The following DPP6 variants were observed in gnomAD, a reference collection of about 807,000 sequenced individuals.
DPP6 encodes dipeptidyl peptidase like 6.
A neutral mutation model predicts 122.6 loss-of-function variants in DPP6; 69 were observed. The observed-to-expected ratio is 0.56, with a 90% CI of 0.46 to 0.69. The LOEUF is 0.69. Among genes scored for constraint, DPP6 ranks in the 30% least tolerant of loss-of-function variants. DPP6 has a pLI of 0.00. For synonymous variants in DPP6, 418 were observed against 433.1 expected, an observed-to-expected ratio of 0.97 and a Z score of 0.43; for missense variants, 928 against 1,116.9, an observed-to-expected ratio of 0.83 and a Z score of 2.41.
chr7:154,686,107 AT>A (rs5888588), intron 7 of DPP6, among the ~76,000 whole-genome samples: 149,759 of 152,242 alleles, frequency 0.98, 73,718 homozygotes, highest in East Asian at 1. Context: ...CACTCAGTGT[AT>A]TACTGTCTCT....
chr7:154,010,541 T>C (rs1798112297), intron 1 of DPP6, among the ~76,000 whole-genome samples: 1 of 152,278 alleles, frequency 6.6e-6, no homozygotes, highest in Non-Finnish European at 1.5e-5. Flanking sequence ...CATGTCAATA[T>C]TTTGTTTTAA....
At chr7:154,195,053 A>G (rs976834417) in intron 1 of DPP6, among the ~76,000 whole-genome samples, 30 of 152,184 alleles carry the variant, frequency 2.0e-4, no homozygotes, top group African/African-American at 6.5e-4. Flanking sequence ...TGCCTAGGAA[A>G]TCTCTGCCTA....
intron 1 of DPP6, among the ~76,000 whole-genome samples, chr7:154,429,014 A>T (rs2151248401): frequency 6.6e-6 from 1 of 152,272 alleles, no homozygotes; most frequent in East Asian, 1.9e-4. Context: ...AATAAAACAT[A>T]AAACAAAATA....
chr7:154,836,919 C>T (rs578038650), intron 16 of DPP6, among the ~76,000 whole-genome samples: 13 of 152,276 alleles, frequency 8.5e-5, no homozygotes, highest in African/African-American at 3.1e-4. Flanking sequence ...GTTGGCCAGG[C>T]TGGTCTCGAA....
At chr7:154,254,334 A>G (rs1802530219) in intron 1 of DPP6, among the ~76,000 whole-genome samples, 1 of 152,200 alleles carries the variant, frequency 6.6e-6, no homozygotes, top group Non-Finnish European at 1.5e-5. Flanking sequence ...AGCCAAATCT[A>G]AAGAATTTCA....
At chr7:154,145,630 C>T (rs1339123230) in intron 1 of DPP6, among the ~76,000 whole-genome samples, 5 of 132,644 alleles carry the variant, frequency 3.8e-5, no homozygotes, top group African/African-American at 5.6e-5. Context: ...GTGCCAGCTA[C>T]GGAGGTGGAG....
At chr7:154,661,987 C>G (rs1437972774) in intron 6 of DPP6, among the ~76,000 whole-genome samples, 3 of 140,200 alleles carry the variant, frequency 2.1e-5, no homozygotes, top group Admixed American at 7.1e-5. Flanking sequence ...TGTATTGGCG[C>G]TAGTGTTCAT....
chr7:153,937,683 A>C (rs2129015747), intron 1 of DPP6, among the ~76,000 whole-genome samples: 1 of 152,160 alleles, frequency 6.6e-6, no homozygotes, highest in African/African-American at 2.4e-5. Flanking sequence ...CCTGACCTCA[A>C]GTGACCATCT....
intron 1 of DPP6, among the ~76,000 whole-genome samples, chr7:154,397,485 T>G (rs1815192028): frequency 6.6e-6 from 1 of 152,224 alleles, no homozygotes; most frequent in Admixed American, 6.5e-5. Context: ...AAATGCAATG[T>G]CTTTGTTATG....
chr7:154,013,846 AC>A (rs1798272229), intron 1 of DPP6, among the ~76,000 whole-genome samples: 1 of 151,586 alleles, frequency 6.6e-6, no homozygotes, highest in Admixed American at 6.6e-5. Flanking sequence ...CTTTCAAATA[AC>A]CCCACTATCC....
intron 1 of DPP6, among the ~76,000 whole-genome samples, chr7:154,368,566 G>A (rs570087566): frequency 6.6e-5 from 10 of 152,294 alleles, no homozygotes; most frequent in Admixed American, 1.3e-4. Context: ...CTAGCATATC[G>A]TCTTTGGAAA....
intron 1 of DPP6, among the ~76,000 whole-genome samples, chr7:154,045,346 TC>T (rs1799968177): frequency 6.6e-6 from 1 of 152,222 alleles, no homozygotes; most frequent in South Asian, 2.1e-4. Flanking sequence ...TGAGAAATCT[TC>T]CAGGTCACCT....
chr7:153,856,124 A>G, the DPP6 span, among the ~76,000 whole-genome samples: 1 of 152,174 alleles, frequency 6.6e-6, no homozygotes, highest in Non-Finnish European at 1.5e-5. Context: ...ATTCTCTGGA[A>G]ATGAGGCACC....
chr7:154,553,178 G>A (rs1281902486), intron 4 of DPP6, among the ~76,000 whole-genome samples: 2 of 152,232 alleles, frequency 1.3e-5, no homozygotes, highest in African/African-American at 2.4e-5. Flanking sequence ...TGTGATGGAG[G>A]TCTTAAATTA....
chr7:154,505,110 G>A (rs1353611665), intron 3 of DPP6, among the ~76,000 whole-genome samples: 3 of 152,150 alleles, frequency 2.0e-5, no homozygotes, highest in African/African-American at 7.2e-5. Flanking sequence ...AAATACTGTA[G>A]TCTCTTCAGA....
intron 1 of DPP6, among the ~76,000 whole-genome samples, chr7:154,066,126 C>G (rs995660151): frequency 1.4e-5 from 2 of 146,722 alleles, no homozygotes; most frequent in African/African-American, 5.0e-5. Context: ...GTGATACAAA[C>G]TCAGCTCACT....
chr7:154,079,189 C>G (rs1439746637), intron 1 of DPP6, among the ~76,000 whole-genome samples: 1 of 152,158 alleles, frequency 6.6e-6, no homozygotes, highest in Non-Finnish European at 1.5e-5. Context: ...AGCTAGACTC[C>G]ATCTCAAAAA....
rs1584953476 is a variant in DPP6, at chr7:154,875,065, A to T, written c.1884-841A>T. On this transcript the variant is annotated intron_variant, in intron 19 of 25. Coordinates refer to ENST00000377770, the MANE Select transcript of DPP6 (RefSeq NM_130797.4). The surrounding 1 kb of genome is among the most constrained non-coding windows in gnomAD (Gnocchi z 4.5). ...CAGTGAACCAAGATTGTGCCACTGC[A>T]CTCCAGCCTGGCCGACAGAGTGAGA... Among the ~76,000 whole-genome samples the T allele has an allele frequency of 6.6e-6, 1 of 151,668 alleles. No homozygotes were observed. The highest frequency in any genetic ancestry group is 2.4e-5 in the African/African-American group (1 of 41,266).
chr7:154,768,245 T>A (rs561396350), intron 8 of DPP6, among the ~76,000 whole-genome samples: 147 of 152,356 alleles, frequency 9.6e-4, no homozygotes, highest in African/African-American at 3.3e-3. Flanking sequence ...GGGAGGCTGT[T>A]GATGTGGGCT....
Sources: gnomAD v4.1 joint callset for allele counts (sites outside exome capture counted in the v4.1 genomes callset) on GRCh38, gnomAD v4.1.1 for gene constraint, Gnocchi (gnomAD v3.1) non-coding constraint, MANE v1.5 for transcripts, NCBI Gene and HGNC (gene_info 2026-07-23, HGNC 2026-07-21) for gene names.